Variants in TOX observed in about 807,000 individuals in gnomAD.
The protein encoded by TOX is thymocyte selection associated high mobility group box.
In TOX, 11 loss-of-function variants were observed where a neutral mutation model predicts 53.7. The ratio of observed to expected loss-of-function variants is 0.20; its 90% CI spans 0.13 to 0.34. TOX has a LOEUF of 0.34. TOX is among the 10% of genes least tolerant of loss of function. The probability of loss-of-function intolerance (pLI) is 1.00; values close to 1 mark genes in which losing one functional copy is unlikely to be tolerated. For missense variants in TOX, 570 were observed against 664.6 expected (o/e 0.86, Z 1.56); for synonymous variants, 225 against 245.3 (o/e 0.92, Z 0.77).
intron 2 of TOX, among the ~76,000 whole-genome samples, chr8:58,941,152 C>T (rs1247297296): frequency 6.6e-6 from 1 of 152,194 alleles, no homozygotes. Flanking sequence ...GTCAAAATTA[C>T]AAGTTTGATG....
intron 1 of TOX, among the ~76,000 whole-genome samples, chr8:59,016,227 C>A (rs1477378443): frequency 6.6e-6 from 1 of 152,082 alleles, no homozygotes; most frequent in Non-Finnish European, 1.5e-5. Context: ...ATCACTTATT[C>A]AATTGCTACC....
chr8:58,980,657 A>C (rs1813188349), intron 1 of TOX, among the ~76,000 whole-genome samples: 1 of 152,198 alleles, frequency 6.6e-6, no homozygotes, highest in Non-Finnish European at 1.5e-5. Context: ...AGGGGAAAGA[A>C]AAAAACCAAG....
At chr8:58,807,817 C>G in intron 8 of TOX, 34 bp from the exon 9 acceptor site, 1 of 1,613,582 alleles carries the variant, frequency 6.2e-7, no homozygotes, top group East Asian at 2.2e-5. Context: ...TTCCTTGTTA[C>G]AGGACAACCT....
chr8:58,934,782 A>C (rs1388084109), intron 3 of TOX, among the ~76,000 whole-genome samples: 1 of 152,152 alleles, frequency 6.6e-6, no homozygotes, highest in Admixed American at 6.5e-5. Context: ...TGCTTTTCTC[A>C]TTTTATTTAA....
intron 1 of TOX, among the ~76,000 whole-genome samples, chr8:59,017,118 G>A (rs1462215756): frequency 6.6e-6 from 1 of 152,240 alleles, no homozygotes; most frequent in African/African-American, 2.4e-5. Context: ...ACCAGGCTGC[G>A]AGGACATCGT....
At chr8:59,088,311 T>C (rs1804549464) in intron 1 of TOX, among the ~76,000 whole-genome samples, 2 of 152,230 alleles carry the variant, frequency 1.3e-5, no homozygotes, top group South Asian at 4.1e-4. Context: ...CTATTATGCT[T>C]TGTATGCTTA....
Position 58,869,401 on chromosome 8 carries a change from TA to T in TOX, c.412-17597del, listed in dbSNP as rs1811160349. 2.6e-5 allele frequency among the ~76,000 whole-genome samples: 4 copies of T among 152,132 alleles called. No homozygotes were observed. The South Asian group carries it at 8.3e-4, about 32-fold the overall frequency. On this transcript the variant is annotated intron_variant, in intron 3 of 8. Transcript: ENST00000361421. ...TTACTTGCTAAATAAATTGAATCAA[TA>T]ATTAACAATCTTCCAAAAAAAATCA...
At chr8:59,027,082 C>T (rs1273424865) in intron 1 of TOX, among the ~76,000 whole-genome samples, 2 of 152,110 alleles carry the variant, frequency 1.3e-5, no homozygotes, top group Admixed American at 1.3e-4. Flanking sequence ...CGTGGTCTCA[C>T]CATGAAAGCT....
At chr8:58,897,323 T>A (rs537988138) in intron 3 of TOX, among the ~76,000 whole-genome samples, 186 of 152,158 alleles carry the variant, frequency 1.2e-3, no homozygotes, top group Non-Finnish European at 2.3e-3. Context: ...ATGGCAGAAT[T>A]TAATAATTTG....
intron 3 of TOX, among the ~76,000 whole-genome samples, chr8:58,861,814 G>A (rs1413968176): frequency 6.6e-6 from 1 of 152,082 alleles, no homozygotes; most frequent in African/African-American, 2.4e-5. Flanking sequence ...GAATGTTAAT[G>A]GGATGCTTGC....
At chr8:58,995,902 G>T (rs1440655678) in intron 1 of TOX, among the ~76,000 whole-genome samples, 2 of 152,172 alleles carry the variant, frequency 1.3e-5, no homozygotes, top group Non-Finnish European at 2.9e-5. Flanking sequence ...GTAAAAAGCA[G>T]TTGTTTTTAG....
intron 1 of TOX, among the ~76,000 whole-genome samples, chr8:59,076,888 C>A (rs1804302248): frequency 6.6e-6 from 1 of 152,178 alleles, no homozygotes; most frequent in South Asian, 2.1e-4. Context: ...AGTCTATCAA[C>A]TACCAAGACA....
At chr8:59,021,108 C>A (rs866490538) in intron 1 of TOX, among the ~76,000 whole-genome samples, 1,411 of 91,894 alleles carry the variant, frequency 0.015, no homozygotes, top group South Asian at 0.017. Flanking sequence ...GACCCTGTCT[C>A]AAAAAAAAAA....
intron 1 of TOX, among the ~76,000 whole-genome samples, chr8:59,063,393 C>T (rs1585996321): frequency 6.7e-6 from 1 of 148,496 alleles, no homozygotes; most frequent in African/African-American, 2.5e-5. Context: ...CCAGAGAGTT[C>T]TAACGATGGG....
Position 58,838,074 on chromosome 8 carries a change from C to T in TOX, c.924+7G>A. On this transcript the variant is annotated splice_region_variant and intron_variant, in intron 5 of 8. Coordinates refer to ENST00000361421, the MANE Select transcript of TOX (RefSeq NM_014729.3). ...TGTAGATTCCCATTCCACTGGGAAT[C>T]CCTTACCTGTTTTTGCTCTTCTCCT... 1.2e-6 allele frequency: 2 copies of T among 1,613,202 alleles called. No individual in the cohort carries two copies. Among genetic ancestry groups the T allele is most frequent in the Non-Finnish European group, 8.5e-7 (1 of 1,179,248 alleles).
Position 58,951,166 on chromosome 8 carries a change from C to T in TOX, c.168+8777G>A, listed in dbSNP as rs114547278. On this transcript the variant is annotated intron_variant, in intron 2 of 8. Coordinates refer to ENST00000361421, the MANE Select transcript of TOX (RefSeq NM_014729.3). ...GATGGAGTTTGACAGAAGCCTTAGACCTTCCAAGGTCAGAATCCTAGCTCT... is the reference window on the plus strand; with the variant it reads ...GATGGAGTTTGACAGAAGCCTTAGATCTTCCAAGGTCAGAATCCTAGCTCT... Among the ~76,000 whole-genome samples the T allele has an allele frequency of 4.7e-3, 722 of 152,228 alleles. 2 individuals are homozygous for T. The highest frequency in any genetic ancestry group is 0.017 in the African/African-American group (698 of 41,546).
intron 4 of TOX, among the ~76,000 whole-genome samples, chr8:58,843,563 A>G (rs1810678909): frequency 6.6e-6 from 1 of 152,194 alleles, no homozygotes; most frequent in South Asian, 2.1e-4. Context: ...GAATATTCAT[A>G]ATATCTTTGC....
At chr8:59,060,278 C>CTCTTCCTT (rs1440707735) in intron 1 of TOX, among the ~76,000 whole-genome samples, 1 of 152,202 alleles carries the variant, frequency 6.6e-6, no homozygotes, top group Non-Finnish European at 1.5e-5. Context: ...CTTATCGCAA[C>CTCTTCCTT]TCTTCCTTTC....
At chr8:59,079,848 C>T (rs1162664154) in intron 1 of TOX, among the ~76,000 whole-genome samples, 3 of 152,200 alleles carry the variant, frequency 2.0e-5, no homozygotes, top group Non-Finnish European at 4.4e-5. Flanking sequence ...CACAGGCACT[C>T]AACAACCTGT....
Sources: allele counts gnomAD v4.1 joint callset (sites outside exome capture counted in the v4.1 genomes callset), GRCh38; gene constraint gnomAD v4.1.1; transcripts MANE v1.5; gene names NCBI Gene and HGNC (gene_info 2026-07-23, HGNC 2026-07-21).